Variants in CHODL observed in about 807,000 individuals in gnomAD.
CHODL encodes transmembrane protein MT75.
In CHODL, 29 loss-of-function variants were observed where a neutral mutation model predicts 34.5. That is an observed-to-expected ratio of 0.84 (90% CI 0.63 to 1.15). CHODL has a LOEUF of 1.15. Among genes scored for constraint, CHODL ranks in the 50% most tolerant of loss-of-function variants. CHODL has a pLI of 0.00. For synonymous variants in CHODL, 125 were observed against 116.1 expected (o/e 1.08, Z -0.49); for missense variants, 332 against 332.5 (o/e 1.00, Z 0.01).
At chr21:17,942,441 T>C (rs1233040404) in intron 1 of CHODL, among the ~76,000 whole-genome samples, 1 of 152,216 alleles carries the variant, frequency 6.6e-6, no homozygotes, top group Non-Finnish European at 1.5e-5. Flanking sequence ...CCATGTGAGA[T>C]GTGCCTTTCA....
rs375536349 is a variant in CHODL at position 18,090,809 on chromosome 21, A to G, written c.-45+62838A>G. 1.6e-4 allele frequency among the ~76,000 whole-genome samples: 24 copies of G among 152,142 alleles called. 2 individuals carry two copies. In the South Asian group the frequency reaches 5.0e-3, roughly 32 times the overall value. The stretch of plus-strand genomic sequence containing the variant: ...CAGCAAGATGGCAGAGTAGAAGCCT[A>G]CATTGTATGTCTCCACTGATGGAAC... On this transcript the variant is annotated intron_variant, in intron 2 of 6. Coordinates refer to the CHODL transcript ENST00000400127.
intron 1 of CHODL, among the ~76,000 whole-genome samples, chr21:18,003,138 A>AC: frequency 1.2e-5 from 1 of 81,812 alleles, no homozygotes; most frequent in East Asian, 2.5e-4. Context: ...AAAAAAAACA[A>AC]AAAAAAAACC....
intron 2 of CHODL, among the ~76,000 whole-genome samples, chr21:18,113,841 C>A (rs940909030): frequency 2.0e-5 from 3 of 152,166 alleles, no homozygotes; most frequent in African/African-American, 7.2e-5. Context: ...ATCTGTACTC[C>A]TGTGTTTGTT....
In CHODL at chr21:18,108,513, A is replaced by G. The variant is rs138178013; in HGVS notation, c.-45+80542A>G. Among the ~76,000 whole-genome samples the G allele has an allele frequency of 1.1e-4, 17 of 152,336 alleles. 1 individual carries two copies. The East Asian group carries it at 2.9e-3, about 26-fold the overall frequency. On this transcript the variant is annotated intron_variant, in intron 2 of 6. Coordinates refer to the CHODL transcript ENST00000400127. ...CACAAACCACTGAATGATCAGCCCC[A>G]GATGAGGGTTAGTGTTGACTCTAAT...
At chr21:18,234,287 C>G (rs2074008926) in intron 2 of CHODL, among the ~76,000 whole-genome samples, 1 of 152,044 alleles carries the variant, frequency 6.6e-6, no homozygotes, top group African/African-American at 2.4e-5. Flanking sequence ...GAGGTAGGCC[C>G]TCTCTTGGAA....
At chr21:18,221,786 G>A (rs1477954709) in intron 2 of CHODL, among the ~76,000 whole-genome samples, 3 of 152,188 alleles carry the variant, frequency 2.0e-5, no homozygotes, top group Admixed American at 2.0e-4. Context: ...CATTAGTGGT[G>A]GCAGGCCCCT....
chr21:17,989,830 G>A (rs1257508664), intron 1 of CHODL, among the ~76,000 whole-genome samples: 1 of 152,126 alleles, frequency 6.6e-6, no homozygotes, highest in African/African-American at 2.4e-5. Context: ...CTCGTTGATT[G>A]AATGTCCCAT....
At chr21:18,025,613 T>C (rs2064167269) in intron 1 of CHODL, among the ~76,000 whole-genome samples, 1 of 152,196 alleles carries the variant, frequency 6.6e-6, no homozygotes, top group Non-Finnish European at 1.5e-5. Flanking sequence ...TTAGTTATTT[T>C]TGTTGCGTTA....
chr21:18,117,284 T>A (rs778913851), intron 2 of CHODL, among the ~76,000 whole-genome samples: 7 of 152,188 alleles, frequency 4.6e-5, no homozygotes, highest in Admixed American at 3.9e-4. Flanking sequence ...CCCAGGCCTG[T>A]TGTGTTAGAT....
chr21:17,994,503 C>T (rs1310971692), intron 1 of CHODL, among the ~76,000 whole-genome samples: 2 of 152,180 alleles, frequency 1.3e-5, no homozygotes, highest in African/African-American at 4.8e-5. Flanking sequence ...TGGGTTAGTC[C>T]TTGGGGCTCT....
intron 1 of CHODL, among the ~76,000 whole-genome samples, chr21:17,962,827 G>A (rs1247696125): frequency 1.3e-5 from 2 of 152,222 alleles, no homozygotes; most frequent in East Asian, 3.9e-4. Context: ...ACTTTGGGAG[G>A]CTGAGGCGGG....
chr21:17,966,848 A>G (rs1012744520), intron 1 of CHODL, among the ~76,000 whole-genome samples: 8 of 151,384 alleles, frequency 5.3e-5, no homozygotes, highest in African/African-American at 1.7e-4. Context: ...GAAAGCCTCA[A>G]TGAAATCTTT....
chr21:17,985,602 G>A (rs1333731544), intron 1 of CHODL, among the ~76,000 whole-genome samples: 2 of 152,078 alleles, frequency 1.3e-5, no homozygotes, highest in African/African-American at 2.4e-5. Flanking sequence ...CAATTTTATG[G>A]TGACTACAGA....
At chr21:18,209,061 A>G (rs1307835530) in intron 2 of CHODL, among the ~76,000 whole-genome samples, 4 of 152,096 alleles carry the variant, frequency 2.6e-5, no homozygotes, top group Non-Finnish European at 5.9e-5. Context: ...GGGCTCTACA[A>G]TCAGCAGGTG....
chr21:17,956,109 C>G (rs1466898980), intron 1 of CHODL, among the ~76,000 whole-genome samples: 1 of 136,528 alleles, frequency 7.3e-6, no homozygotes, highest in African/African-American at 2.5e-5. Flanking sequence ...ATCCAAATCT[C>G]ATGTTGAGAT....
rs1028445670 is a variant in CHODL, at chr21:18,186,657, C to T, written c.-44-69852C>T. ...TTGTAGTTTTAAAGTGAAGTGCATA[C>T]TTTAGGAGTCTCAATAATACCAAAC... On this transcript the variant is annotated intron_variant, in intron 2 of 6. Coordinates refer to the CHODL transcript ENST00000400127. Among the ~76,000 whole-genome samples the T allele has an allele frequency of 2.5e-4, 38 of 152,232 alleles. 1 individual carries two copies. The highest frequency in any genetic ancestry group is 2.2e-3 in the Admixed American group (33 of 15,292).
chr21:18,196,834 G>A (rs566585043), intron 2 of CHODL, among the ~76,000 whole-genome samples: 1 of 152,236 alleles, frequency 6.6e-6, no homozygotes, highest in African/African-American at 2.4e-5. Flanking sequence ...GGAGCAATGG[G>A]GTGATGTTAG....
intron 2 of CHODL, among the ~76,000 whole-genome samples, chr21:18,237,468 A>G (rs866165933): frequency 2.0e-5 from 3 of 152,264 alleles, no homozygotes; most frequent in South Asian, 4.1e-4. Context: ...TTAGCAAAGG[A>G]AAGGAAGGTA....
At chr21:18,091,123 T>C (rs1289045508) in intron 2 of CHODL, among the ~76,000 whole-genome samples, 1 of 152,188 alleles carries the variant, frequency 6.6e-6, no homozygotes, top group Non-Finnish European at 1.5e-5. Context: ...ATGCTTGGCT[T>C]AGCCAGTCCC....
Sources: allele counts gnomAD v4.1 joint callset (sites outside exome capture counted in the v4.1 genomes callset), GRCh38; gene constraint gnomAD v4.1.1; transcripts MANE v1.5; gene names NCBI Gene and HGNC (gene_info 2026-07-23, HGNC 2026-07-21).